ACTN2: variants seen among roughly 807,000 people sequenced by gnomAD.
The protein encoded by ACTN2 is actinin alpha 2.
A neutral mutation model predicts 113.8 loss-of-function variants in ACTN2; 39 were observed. That is an observed-to-expected ratio of 0.34 (90% CI 0.27 to 0.45). ACTN2 has a LOEUF of 0.45. Ranked by LOEUF, ACTN2 falls within the 20% of genes least tolerant of loss-of-function variation. The pLI, the probability that ACTN2 is intolerant of heterozygous loss-of-function variation, is 1.00. For synonymous variants in ACTN2, 429 were observed against 444.1 expected, an observed-to-expected ratio of 0.97 and a Z score of 0.43; for missense variants, 992 against 1,177.9, an observed-to-expected ratio of 0.84 and a Z score of 2.31.
At position 236,742,957 on chromosome 1, in the gene ACTN2, T is replaced by C. The variant is rs1479627329; in HGVS notation, c.1169T>C (p.Leu390Pro). 1 of 1,614,144 alleles carries C rather than the reference T, an allele frequency of 6.2e-7. No homozygotes were observed. The highest frequency in any genetic ancestry group is 8.5e-7 in the Non-Finnish European group (1 of 1,180,032). Residue 390 changes from leucine (L) to proline (P), a missense_variant, in exon 11 of 21, where the codon CTC becomes CCC. Coordinates refer to ENST00000366578, the MANE Select transcript of ACTN2 (RefSeq NM_001103.4). ...GAGAAGGGTTACGAGGAGTGGTTGC[T>C]CAATGAGATTCGGAGACTGGAGCGC... is the stretch of plus-strand genomic sequence containing the variant. ...QAEKGYEEWL[L>P]NEIRRLERLE...
At chr1:236,698,242 T>G (rs1293543459) in intron 1 of ACTN2, among the ~76,000 whole-genome samples, 4 of 150,600 alleles carry the variant, frequency 2.7e-5, no homozygotes, top group Non-Finnish European at 5.9e-5. Context: ...AAAAACATGA[T>G]GTAGAATTAA....
intron 1 of ACTN2, among the ~76,000 whole-genome samples, chr1:236,695,563 T>TGCCCCC (rs1553296741): frequency 9.9e-6 from 1 of 100,796 alleles, no homozygotes; most frequent in African/African-American, 4.1e-5. Context: ...TGAAATGAGT[T>TGCCCCC]CCCCCCCCCT....
intron 20 of ACTN2, 54 bp from the exon 21 acceptor site, chr1:236,762,407 T>G: frequency 1.2e-6 from 2 of 1,604,704 alleles, no homozygotes; most frequent in Non-Finnish European, 1.7e-6. Context: ...TTAAGACTGT[T>G]TATGTTGTGG....
At chr1:236,738,103 G>A (rs1465002941) in intron 9 of ACTN2, among the ~76,000 whole-genome samples, 13 of 152,162 alleles carry the variant, frequency 8.5e-5, no homozygotes, top group Admixed American at 7.2e-4. Context: ...TCCGCCCCCA[G>A]GGTTCAAGCA....
At chr1:236,739,564 C>T (rs1197735027) in intron 10 of ACTN2, 32 bp downstream of exon 10, 1 of 1,609,110 alleles carries the variant, frequency 6.2e-7, no homozygotes, top group African/African-American at 1.3e-5. Flanking sequence ...CTCCTGGCGC[C>T]ACGGGAAGCC....
At chr1:236,708,891 CT>C (rs1359084287) in intron 1 of ACTN2, among the ~76,000 whole-genome samples, 7 of 152,084 alleles carry the variant, frequency 4.6e-5, no homozygotes, top group African/African-American at 1.7e-4. Context: ...TCCTCTTCCA[CT>C]TTAGTCAGTG....
intron 6 of ACTN2, among the ~76,000 whole-genome samples, chr1:236,730,271 CTTTTT>C (rs11410238): frequency 1.4e-5 from 2 of 146,880 alleles, no homozygotes; most frequent in Non-Finnish European, 3.0e-5. Flanking sequence ...TAGTTAAACA[CTTTTT>C]TTTTTTTTTT....
chr1:236,717,946 T>A lies in ACTN2; in HGVS notation c.215T>A (p.Leu72His). Reference sequence around the variant, plus strand: ...GAAGACTTCAGGAATGGCCTTAAGCTCATGCTGCTTTTGGAAGTCATCTCA... The same window carrying A: ...GAAGACTTCAGGAATGGCCTTAAGCACATGCTGCTTTTGGAAGTCATCTCA... ...IEEDFRNGLK[L>H]MLLLEVISGE... is the part of the protein sequence containing the mutation. The change falls in exon 2 of 21, where the codon CTC (leucine) becomes CAC (histidine). Residue 72 changes from leucine (L) to histidine (H), a missense_variant. Transcript: ENST00000366578. 1 of 1,614,052 alleles carries A rather than the reference T, an allele frequency of 6.2e-7. No homozygotes were observed. Among genetic ancestry groups the A allele is most frequent in the Non-Finnish European group, 8.5e-7 (1 of 1,179,968 alleles).
In ACTN2 at chr1:236,761,185, C is replaced by T. The variant is rs567528320; in HGVS notation, c.2526+12C>T. ...TGGCTTCTGATAAGGTCTGCATTGACAGATTTCCTTCTGCTTTAGCAGGAG... is the reference window on the plus strand; with the variant it reads ...TGGCTTCTGATAAGGTCTGCATTGATAGATTTCCTTCTGCTTTAGCAGGAG... On this transcript the variant is annotated intron_variant, in intron 20 of 20. Coordinates refer to ENST00000366578, the MANE Select transcript of ACTN2 (RefSeq NM_001103.4). 5 of 1,614,068 alleles carry T rather than the reference C, an allele frequency of 3.1e-6. No homozygotes were observed. In the Admixed American group the frequency reaches 6.7e-5, roughly 22 times the overall value.
chr1:236,726,028 C>A lies in ACTN2; in HGVS notation c.536+8C>A, dbSNP rs1465023924. ...TCAGAACTTCCATACTAGGTGAGCA[C>A]CCAGGGCCCCTGGTCCTTGTATTCT... On this transcript the variant is annotated splice_region_variant and intron_variant, in intron 5 of 20. Transcript: ENST00000366578. The A allele has an allele frequency of 1.2e-6, 2 of 1,611,628 alleles. No individual in the cohort carries two copies. Among genetic ancestry groups the A allele is most frequent in the Non-Finnish European group, 1.7e-6 (2 of 1,177,888 alleles).
At chr1:236,745,492 A>C (rs1659206323) in intron 12 of ACTN2, among the ~76,000 whole-genome samples, 2 of 152,234 alleles carry the variant, frequency 1.3e-5, no homozygotes. Context: ...TCACGTGTGC[A>C]GAAGAGACGT....
intron 1 of ACTN2, among the ~76,000 whole-genome samples, chr1:236,695,563 T>TCTCCCCC (rs1657467279): frequency 3.0e-5 from 3 of 100,794 alleles, no homozygotes; most frequent in African/African-American, 4.1e-5. Context: ...TGAAATGAGT[T>TCTCCCCC]CCCCCCCCCT....
intron 1 of ACTN2, among the ~76,000 whole-genome samples, chr1:236,706,636 A>G (rs75904035): frequency 6.6e-6 from 1 of 152,138 alleles, no homozygotes; most frequent in Non-Finnish European, 1.5e-5. Context: ...ATCAGTGTAT[A>G]TTTCAGTGTC....
rs6691167 is a variant in ACTN2, at chr1:236,745,993, A to C, written c.1406+1217A>C. 1.3e-3 allele frequency among the ~76,000 whole-genome samples: 196 copies of C among 151,692 alleles called. 1 individual carries two copies. The East Asian group carries it at 0.016, about 13-fold the overall frequency. ...CCTGGCTAACACGGTGAAACCCCGT[A>C]TCTACTAAAAATACAAAAAAAAATT... On this transcript the variant is annotated intron_variant, in intron 12 of 20. Transcript: ENST00000366578.
chr1:236,737,108 A>T lies in ACTN2; in HGVS notation c.784-14A>T. ...GTCGACAGAGCCGTCCTGTTTACCT[A>T]TTGTGTTTTACAGGCCGAGACAGCG... is the stretch of plus-strand genomic sequence containing the variant. On this transcript the variant is annotated splice_polypyrimidine_tract_variant and intron_variant, in intron 8 of 20. Coordinates refer to ENST00000366578, the MANE Select transcript of ACTN2 (RefSeq NM_001103.4). 1.3e-6 allele frequency: 2 copies of T among 1,590,200 alleles called. No individual in the cohort carries two copies. Among genetic ancestry groups the T allele is most frequent in the Non-Finnish European group, 1.7e-6 (2 of 1,164,034 alleles).
Position 236,731,213 on chromosome 1 carries a change from C to T in ACTN2, c.616-20C>T. 1 of 1,582,834 alleles carries T rather than the reference C, an allele frequency of 6.3e-7. No individual in the cohort carries two copies. The highest frequency in any genetic ancestry group is 1.3e-5 in the African/African-American group (1 of 74,390). Reference sequence around the variant, plus strand: ...TTCAAAATATATTTTAAAAATCTGACTGTCTTGGTTTTCATACAGGATGAC... The same window carrying T: ...TTCAAAATATATTTTAAAAATCTGATTGTCTTGGTTTTCATACAGGATGAC... On this transcript the variant is annotated intron_variant, in intron 6 of 20. Coordinates refer to ENST00000366578, the MANE Select transcript of ACTN2 (RefSeq NM_001103.4).
intron 1 of ACTN2, among the ~76,000 whole-genome samples, chr1:236,701,638 A>G (rs551290765): frequency 1.1e-4 from 16 of 152,330 alleles, no homozygotes; most frequent in African/African-American, 3.8e-4. Flanking sequence ...TTTGATGTTA[A>G]TATGGGCCAG....
intron 9 of ACTN2, among the ~76,000 whole-genome samples, chr1:236,738,977 T>G (rs1286365949): frequency 6.6e-6 from 1 of 152,208 alleles, no homozygotes; most frequent in Non-Finnish European, 1.5e-5. Context: ...TTGTTTTTTG[T>G]TTTTTTAATT....
chr1:236,727,998 C>G (rs1169210152), intron 6 of ACTN2, among the ~76,000 whole-genome samples: 5 of 152,046 alleles, frequency 3.3e-5, no homozygotes, highest in Admixed American at 3.3e-4. Context: ...CCCTTTTTGC[C>G]CATATCAAGA....
Sources: allele counts gnomAD v4.1 joint callset (sites outside exome capture counted in the v4.1 genomes callset), GRCh38; gene constraint gnomAD v4.1.1; transcripts MANE v1.5; gene names NCBI Gene and HGNC (gene_info 2026-07-23, HGNC 2026-07-21).